The following EIF4G3 variants were observed in gnomAD, a reference collection of about 807,000 sequenced individuals.
EIF4G3 encodes eIF-4-gamma 3.
EIF4G3 carries 34 observed loss-of-function variants against 186.4 expected under a neutral mutation model. The ratio of observed to expected loss-of-function variants is 0.18; its 90% CI spans 0.14 to 0.24. The LOEUF is 0.24. Among genes scored for constraint, EIF4G3 ranks in the 10% least tolerant of loss-of-function variants. The pLI is 1.00. For missense variants in EIF4G3, 1,536 were observed against 1,948.5 expected (o/e 0.79, Z 3.99); for synonymous variants, 673 against 679.5 (o/e 0.99, Z 0.15).
chr1:20,833,086 C>T (rs61781074), intron 30 of EIF4G3, among the ~76,000 whole-genome samples: 10 of 102,462 alleles, frequency 9.8e-5, no homozygotes, highest in African/African-American at 3.0e-4. Context: ...ATTGACTTGG[C>T]GATGCGGGCT....
chr1:21,033,755 T>G (rs989435228), intron 4 of EIF4G3, among the ~76,000 whole-genome samples: 1 of 152,160 alleles, frequency 6.6e-6, no homozygotes, highest in Non-Finnish European at 1.5e-5. Context: ...GAAGAGAACA[T>G]CGGGAATACT....
chr1:21,066,585 C>G (rs939540904), intron 3 of EIF4G3, among the ~76,000 whole-genome samples: 3 of 152,082 alleles, frequency 2.0e-5, no homozygotes, highest in African/African-American at 7.2e-5. Context: ...TAATCCTTCA[C>G]AATTTCTTGC....
intron 2 of EIF4G3, among the ~76,000 whole-genome samples, chr1:21,118,558 G>T (rs1387278544): frequency 6.6e-6 from 1 of 152,002 alleles, no homozygotes; most frequent in Non-Finnish European, 1.5e-5. Flanking sequence ...AGGCGGAGGC[G>T]GGCAGATCAC....
At chr1:21,093,391 C>T (rs1423819175) in intron 2 of EIF4G3, among the ~76,000 whole-genome samples, 1 of 152,180 alleles carries the variant, frequency 6.6e-6, no homozygotes, top group Non-Finnish European at 1.5e-5. Context: ...CAAATCAAAA[C>T]CACAATGAGA....
intron 4 of EIF4G3, among the ~76,000 whole-genome samples, chr1:21,023,158 T>C (rs905909155): frequency 1.3e-5 from 2 of 151,916 alleles, no homozygotes; most frequent in Admixed American, 1.3e-4. Flanking sequence ...ACGATTCCTA[T>C]GCACAGGGAT....
chr1:21,148,705 T>TTA (rs1553300364), intron 2 of EIF4G3, among the ~76,000 whole-genome samples: 5 of 108,970 alleles, frequency 4.6e-5, no homozygotes, highest in African/African-American at 1.4e-4. Context: ...CTGTCTCATT[T>TTA]AAAAAAAAAA....
chr1:21,061,597 A>G (rs1269647272), intron 3 of EIF4G3, among the ~76,000 whole-genome samples: 1 of 152,224 alleles, frequency 6.6e-6, no homozygotes, highest in East Asian at 1.9e-4. Flanking sequence ...ATTTCAGATG[A>G]AAAAGTCTGA....
At chr1:21,145,591 TC>T (rs2097425661) in intron 2 of EIF4G3, among the ~76,000 whole-genome samples, 1 of 152,120 alleles carries the variant, frequency 6.6e-6, no homozygotes, top group Admixed American at 6.6e-5. Context: ...CAAATGGAAT[TC>T]ATTTGAAACA....
intron 2 of EIF4G3, among the ~76,000 whole-genome samples, chr1:21,153,878 T>C (rs2097589839): frequency 1.3e-5 from 2 of 151,950 alleles, no homozygotes; most frequent in Non-Finnish European, 2.9e-5. Context: ...AAGCATTTCA[T>C]TATACTTCAA....
chr1:20,964,878 T>G (rs966045138), intron 12 of EIF4G3, among the ~76,000 whole-genome samples: 10 of 152,106 alleles, frequency 6.6e-5, no homozygotes, highest in African/African-American at 2.4e-4. Context: ...AACTAGCAAA[T>G]CCATAACTCC....
At chr1:20,883,889 T>C (rs1413427766) in intron 19 of EIF4G3, among the ~76,000 whole-genome samples, 1 of 152,116 alleles carries the variant, frequency 6.6e-6, no homozygotes, top group African/African-American at 2.4e-5. Flanking sequence ...AATCAGTGTT[T>C]CAGGTAGATG....
intron 14 of EIF4G3, among the ~76,000 whole-genome samples, chr1:20,912,716 T>C (rs963987400): frequency 2.0e-5 from 3 of 152,208 alleles, no homozygotes; most frequent in South Asian, 2.1e-4. Context: ...CCATTCTTGA[T>C]ATATTTTGAC....
chr1:20,910,897 G>A (rs767119082), intron 14 of EIF4G3, among the ~76,000 whole-genome samples: 5 of 152,166 alleles, frequency 3.3e-5, no homozygotes, highest in Admixed American at 1.3e-4. Flanking sequence ...AAAGTTTAAC[G>A]CTAATATGCA....
chr1:20,927,164 C>T (rs989151656), intron 14 of EIF4G3, among the ~76,000 whole-genome samples: 3 of 151,922 alleles, frequency 2.0e-5, no homozygotes, highest in Non-Finnish European at 4.4e-5. Flanking sequence ...CTGCCTCAGC[C>T]TCCTGAGTAG....
chr1:21,080,250 AG>A (rs79537206), intron 3 of EIF4G3, among the ~76,000 whole-genome samples: 55,579 of 150,976 alleles, frequency 0.37, 10,865 homozygotes, highest in Non-Finnish European at 0.43. Flanking sequence ...CAGGAGTTTA[AG>A]GCTGCAGTGA....
chr1:20,997,848 T>C (rs2082628888), intron 6 of EIF4G3, among the ~76,000 whole-genome samples: 1 of 151,870 alleles, frequency 6.6e-6, no homozygotes, highest in Non-Finnish European at 1.5e-5. Context: ...GAATAGTTTG[T>C]CATTTATCAA....
At chr1:20,966,829 A>G (rs1183306211) in intron 12 of EIF4G3, among the ~76,000 whole-genome samples, 4 of 152,120 alleles carry the variant, frequency 2.6e-5, no homozygotes, top group Non-Finnish European at 4.4e-5. Context: ...TGCTTGTGCT[A>G]CTGTTTTTCT....
intron 2 of EIF4G3, among the ~76,000 whole-genome samples, chr1:21,094,109 A>T (rs540470625): frequency 0.013 from 1,908 of 148,556 alleles, 45 homozygotes; most frequent in African/African-American, 0.042. Context: ...AATAAAAAAA[A>T]TTTTTTTTTT....
chr1:20,990,518 C>T (rs1396576141), intron 7 of EIF4G3, among the ~76,000 whole-genome samples: 1 of 152,094 alleles, frequency 6.6e-6, no homozygotes. Flanking sequence ...ACCAGAAATA[C>T]AAAAATTAGC....
Sources: gnomAD v4.1 joint callset for allele counts (sites outside exome capture counted in the v4.1 genomes callset) on GRCh38, gnomAD v4.1.1 for gene constraint, MANE v1.5 for transcripts, NCBI Gene and HGNC (gene_info 2026-07-23, HGNC 2026-07-21) for gene names.